The following CTNNA2 variants were observed in gnomAD, a reference collection of about 807,000 sequenced individuals.
The protein encoded by CTNNA2 is catenin alpha 2, also known as catenin alpha-2.
CTNNA2 carries 42 observed loss-of-function variants against 101.0 expected under a neutral mutation model. The observed-to-expected ratio is 0.42, with a 90% CI of 0.32 to 0.54. The LOEUF is 0.54. Ranked by LOEUF, CTNNA2 falls within the 20% of genes least tolerant of loss-of-function variation. The pLI, the probability that CTNNA2 is intolerant of heterozygous loss-of-function variation, is 0.14. For missense variants in CTNNA2, 871 were observed against 1,223.1 expected (o/e 0.71, Z 4.29); for synonymous variants, 450 against 456.4 (o/e 0.99, Z 0.18).
intron 2 of CTNNA2, among the ~76,000 whole-genome samples, chr2:79,303,297 C>T (rs1013732150): frequency 1.3e-5 from 2 of 152,128 alleles, no homozygotes; most frequent in Admixed American, 6.5e-5. Context: ...CACTACATCA[C>T]GCTATCCCAG....
chr2:80,500,486 G>A (rs901180828), intron 9 of CTNNA2, among the ~76,000 whole-genome samples: 3 of 152,106 alleles, frequency 2.0e-5, no homozygotes, highest in African/African-American at 7.2e-5. Context: ...CCTGTCATTT[G>A]CCAAGCATTA....
intron 7 of CTNNA2, among the ~76,000 whole-genome samples, chr2:80,221,120 T>A (rs111683929): frequency 6.6e-6 from 1 of 152,128 alleles, no homozygotes; most frequent in African/African-American, 2.4e-5. Context: ...TGACCTCAAG[T>A]GATCCACCTC....
At chr2:80,352,537 G>C (rs566482409) in intron 7 of CTNNA2, among the ~76,000 whole-genome samples, 2 of 152,260 alleles carry the variant, frequency 1.3e-5, no homozygotes, top group East Asian at 3.9e-4. Context: ...TTAGGTAAAT[G>C]TTTTGATAGG....
At chr2:80,390,975 C>CA (rs990464767) in intron 7 of CTNNA2, among the ~76,000 whole-genome samples, 2 of 151,422 alleles carry the variant, frequency 1.3e-5, no homozygotes, top group Admixed American at 6.6e-5. Flanking sequence ...ACTAAAAATA[C>CA]AAAAAAATTA....
At chr2:80,466,335 A>G (rs1488609666) in intron 9 of CTNNA2, among the ~76,000 whole-genome samples, 1 of 152,172 alleles carries the variant, frequency 6.6e-6, no homozygotes, top group Non-Finnish European at 1.5e-5. Context: ...CACCAAGAAT[A>G]CAGAGATTGT....
intron 7 of CTNNA2, among the ~76,000 whole-genome samples, chr2:80,133,497 A>G (rs1175764155): frequency 6.6e-6 from 1 of 152,186 alleles, no homozygotes; most frequent in Non-Finnish European, 1.5e-5. Flanking sequence ...AAAAGAAGTG[A>G]AAAATAAGCC....
At chr2:79,474,292 T>G (rs1671029692) in intron 4 of CTNNA2, among the ~76,000 whole-genome samples, 1 of 152,134 alleles carries the variant, frequency 6.6e-6, no homozygotes, top group Non-Finnish European at 1.5e-5. Context: ...CTTAGCACAT[T>G]TATACAACAG....
At chr2:79,661,092 G>A (rs112204189) in intron 2 of CTNNA2, among the ~76,000 whole-genome samples, 1 of 152,180 alleles carries the variant, frequency 6.6e-6, no homozygotes, top group Non-Finnish European at 1.5e-5. Context: ...ACACCACCCT[G>A]TGCCATGTGA....
At chr2:79,486,434 A>AT (rs1229979982) in intron 4 of CTNNA2, among the ~76,000 whole-genome samples, 4 of 152,262 alleles carry the variant, frequency 2.6e-5, no homozygotes, top group African/African-American at 9.6e-5. Context: ...ATAGTATTCC[A>AT]TGGTGTAAAT....
At chr2:79,325,378 G>A (rs1013538223) in intron 3 of CTNNA2, among the ~76,000 whole-genome samples, 1 of 152,090 alleles carries the variant, frequency 6.6e-6, no homozygotes, top group Non-Finnish European at 1.5e-5. Flanking sequence ...CTGTCTACAG[G>A]GATTCCAAGA....
At chr2:80,269,073 C>T (rs1299443297) in intron 7 of CTNNA2, among the ~76,000 whole-genome samples, 1 of 152,166 alleles carries the variant, frequency 6.6e-6, no homozygotes, top group African/African-American at 2.4e-5. Flanking sequence ...AAAGTCAAGG[C>T]TTAACAAATT....
rs148171736 is a variant in CTNNA2 at position 79,811,599 on chromosome 2, G to A, written c.299-46414G>A. Among the ~76,000 whole-genome samples the A allele has an allele frequency of 2.3e-3, 353 of 152,144 alleles. 4 individuals carry two copies. The highest frequency in any genetic ancestry group is 8.2e-3 in the African/African-American group (339 of 41,504). Reference sequence around the variant, plus strand: ...CATCAATTTATATGTCCATACCTTTGCCAATACCACACTGTATTGATTATT... The same window carrying A: ...CATCAATTTATATGTCCATACCTTTACCAATACCACACTGTATTGATTATT... On this transcript the variant is annotated intron_variant, in intron 3 of 18. Transcript: ENST00000402739.
chr2:80,352,037 GT>G (rs1423240335), intron 7 of CTNNA2, among the ~76,000 whole-genome samples: 3 of 152,118 alleles, frequency 2.0e-5, no homozygotes, highest in Admixed American at 2.0e-4. Flanking sequence ...GTTCTTTCAT[GT>G]CTGTCTTCCC....
chr2:80,082,440 A>T (rs147838559), intron 7 of CTNNA2, among the ~76,000 whole-genome samples: 1 of 152,186 alleles, frequency 6.6e-6, no homozygotes, highest in Non-Finnish European at 1.5e-5. Context: ...AGGAATTTAC[A>T]ATCTAAGAAG....
intron 7 of CTNNA2, among the ~76,000 whole-genome samples, chr2:80,277,855 G>T (rs1035796598): frequency 2.0e-5 from 3 of 152,062 alleles, no homozygotes; most frequent in Non-Finnish European, 2.9e-5. Flanking sequence ...GCCCTGTTCT[G>T]CCCTTCATGA....
At chr2:80,366,017 C>T (rs185698858) in intron 7 of CTNNA2, among the ~76,000 whole-genome samples, 141 of 152,164 alleles carry the variant, frequency 9.3e-4, no homozygotes, top group Admixed American at 1.8e-3. Flanking sequence ...ACAGGGAACT[C>T]GAATTGCTGT....
At chr2:79,524,839 A>C (rs951162062) in intron 1 of CTNNA2, 1 of 151,508 alleles carries the variant, frequency 6.6e-6, no homozygotes, top group Non-Finnish European at 1.5e-5. Flanking sequence ...TAGTGTGTAC[A>C]TGAATTTCAT....
intron 4 of CTNNA2, among the ~76,000 whole-genome samples, chr2:79,443,002 A>T (rs61060589): frequency 0.011 from 1,692 of 152,228 alleles, 32 homozygotes; most frequent in African/African-American, 0.037. Context: ...TGAGGCTTTA[A>T]CAATTTCTGG....
chr2:79,433,530 T>C (rs1678678465), intron 4 of CTNNA2, among the ~76,000 whole-genome samples: 1 of 151,302 alleles, frequency 6.6e-6, no homozygotes, highest in Admixed American at 6.6e-5. Context: ...AATGTTTCAG[T>C]GCTATGAGAT....
Sources: gnomAD v4.1 joint callset for allele counts (sites outside exome capture counted in the v4.1 genomes callset) on GRCh38, gnomAD v4.1.1 for gene constraint, MANE v1.5 for transcripts, NCBI Gene and HGNC (gene_info 2026-07-23, HGNC 2026-07-21) for gene names.